TET3: variants seen among roughly 807,000 people sequenced by gnomAD.
TET3 encodes methylcytosine dioxygenase TET3.
A neutral mutation model predicts 141.4 loss-of-function variants in TET3; 19 were observed. The ratio of observed to expected loss-of-function variants is 0.13; its 90% confidence interval spans 0.09 to 0.20. TET3 has a LOEUF of 0.20. Among genes scored for constraint, TET3 ranks in the 10% least tolerant of loss-of-function variants. The probability of loss-of-function intolerance (pLI) is 1.00; values close to 1 mark genes in which losing one functional copy is unlikely to be tolerated. For synonymous variants in TET3, 1,043 were observed against 980.9 expected (o/e 1.06, Z -1.18); for missense variants, 1,874 against 2,356.9 (o/e 0.80, Z 4.24).
chr2:73,988,545 C>T (rs988451090), intron 2 of TET3, among the ~76,000 whole-genome samples: 7 of 152,078 alleles, frequency 4.6e-5, no homozygotes, highest in East Asian at 3.8e-4. Flanking sequence ...CCCAGGCTGC[C>T]GGGTGGTCTT....
At chr2:74,011,708 A>G (rs369453940) in intron 3 of TET3, among the ~76,000 whole-genome samples, 16 of 151,514 alleles carry the variant, frequency 1.1e-4, no homozygotes, top group African/African-American at 3.1e-4. Context: ...CTGTTTTTTG[A>G]TTTTGTAAGT....
chr2:74,031,520 A>G (rs1686688118), intron 3 of TET3, among the ~76,000 whole-genome samples: 1 of 152,182 alleles, frequency 6.6e-6, no homozygotes, highest in African/African-American at 2.4e-5. Flanking sequence ...GACTGTGGAT[A>G]ATGAAGCTTT....
chr2:74,113,006 CAAAAAAAAAAA>C (rs60299737), downstream of TET3, among the ~76,000 whole-genome samples: 11 of 34,398 alleles, frequency 3.2e-4, no homozygotes, highest in East Asian at 3.3e-3. Flanking sequence ...GACTCCGTCT[CAAAAAAAAAAA>C]AAAAAAAAAA....
rs1256577765 is a variant in TET3, at chr2:74,100,211, G to A, written c.3605-182G>A. 1.2e-4 allele frequency among the ~76,000 whole-genome samples: 18 copies of A among 152,264 alleles called. 1 individual carries two copies. The highest frequency in any genetic ancestry group is 6.8e-3 in the Middle Eastern group (2 of 294). On this transcript the variant is annotated intron_variant, in intron 11 of 11. Transcript: ENST00000409262. ...TGGGGCTGGGGCTGGGGCCTGTGCT[G>A]AGCAGGGCCCAGGGAGTACGACCCG... is the stretch of plus-strand genomic sequence containing the variant.
At chr2:74,129,543 G>C in the TET3 span, among the ~76,000 whole-genome samples, 2 of 151,676 alleles carry the variant, frequency 1.3e-5, no homozygotes, top group African/African-American at 4.8e-5. Flanking sequence ...TGAGGTGGGA[G>C]AATTGCTTGA....
In TET3 at chr2:74,102,228, G is replaced by A; in HGVS notation, c.*52G>A. 2 of 1,395,552 alleles carry A rather than the reference G, an allele frequency of 1.4e-6. No individual in the cohort carries two copies. The highest frequency in any genetic ancestry group is 3.8e-5 in the South Asian group (2 of 52,006). The allele number at this position is 1,395,552 out of a possible 1,614,324, so 86.4% of individuals were successfully genotyped here. A position where few individuals can be genotyped will look rare whatever the true frequency, so the allele number is the denominator to read the frequency against. Reference sequence around the variant, plus strand: ...GTCGGGCCTGGCCCGAGCTGTCTCTGTGGTGCTTTTGCCCTCATACCTGGG... The same window carrying A: ...GTCGGGCCTGGCCCGAGCTGTCTCTATGGTGCTTTTGCCCTCATACCTGGG... On this transcript the variant is annotated 3_prime_UTR_variant, in exon 12 of 12. Transcript: ENST00000409262.
intron 3 of TET3, among the ~76,000 whole-genome samples, chr2:74,028,298 C>A (rs929726907): frequency 1.3e-5 from 2 of 150,584 alleles, no homozygotes; most frequent in Admixed American, 1.3e-4. Context: ...TTTTTTTTCA[C>A]TTTCTTGATG....
Position 74,093,432 on chromosome 2 carries a change from T to C in TET3, c.3130-97T>C. 1.4e-6 allele frequency: 2 copies of C among 1,447,936 alleles called. No individual in the cohort carries two copies. Among genetic ancestry groups the C allele is most frequent in the Admixed American group, 2.4e-5 (1 of 42,232 alleles). 89.7% of individuals were successfully genotyped at this position (1,447,936 alleles called of 1,614,324 possible). On this transcript the variant is annotated intron_variant, in intron 9 of 11. Transcript: ENST00000409262. This position sits in a 1 kb window ranked among gnomAD's most constrained non-coding sequence, Gnocchi z 4.2. ...TCGAAGGGCAAGGTGACTATCATCCTTAACATCCCTCCTTCCAAGACCTGG... is the reference window on the plus strand; with the variant it reads ...TCGAAGGGCAAGGTGACTATCATCCCTAACATCCCTCCTTCCAAGACCTGG...
At chr2:74,054,150 A>G (rs1688095106) in intron 4 of TET3, among the ~76,000 whole-genome samples, 1 of 152,090 alleles carries the variant, frequency 6.6e-6, no homozygotes, top group East Asian at 1.9e-4. Flanking sequence ...GTGGAGGATG[A>G]AAGATTGGGA....
rs1558687969 is a variant in TET3 at position 73,987,831 on chromosome 2, CT to C, written c.303+1126del. Among the ~76,000 whole-genome samples, 4 of 152,212 alleles carry C rather than the reference CT, an allele frequency of 2.6e-5. No homozygotes were observed. The South Asian group carries it at 8.3e-4, about 31-fold the overall frequency. ...TGCTTGCTTCTGAGGACTCGGGTCCCTGTGGCTGGCGTTGGGCTGGCAGCCC... is the reference window on the plus strand; with the variant it reads ...TGCTTGCTTCTGAGGACTCGGGTCCCGTGGCTGGCGTTGGGCTGGCAGCCC... On this transcript the variant is annotated intron_variant, in intron 2 of 11. Transcript: ENST00000409262.
At chr2:74,095,943 C>A (rs1451635647) in intron 10 of TET3, among the ~76,000 whole-genome samples, 2 of 152,240 alleles carry the variant, frequency 1.3e-5, no homozygotes, top group Non-Finnish European at 2.9e-5. Flanking sequence ...TCTTTGCCTG[C>A]TGCCTGAGTG....
chr2:74,031,906 C>G (rs1686715325), intron 3 of TET3, among the ~76,000 whole-genome samples: 1 of 152,122 alleles, frequency 6.6e-6, no homozygotes, highest in Non-Finnish European at 1.5e-5. Flanking sequence ...ACCTTGGTAC[C>G]TGGGAGGCCA....
intron 4 of TET3, among the ~76,000 whole-genome samples, chr2:74,050,459 C>G (rs1325108099): frequency 2.0e-5 from 3 of 152,146 alleles, no homozygotes; most frequent in Non-Finnish European, 2.9e-5. Flanking sequence ...TTGGCTGTTC[C>G]TTTAGTTACC....
chr2:74,027,766 T>G (rs1686454651), intron 3 of TET3, among the ~76,000 whole-genome samples: 1 of 152,248 alleles, frequency 6.6e-6, no homozygotes, highest in South Asian at 2.1e-4. Context: ...CATTCTTTAG[T>G]CACTGGACAT....
intron 4 of TET3, among the ~76,000 whole-genome samples, chr2:74,073,001 A>G (rs770674620): frequency 6.6e-6 from 1 of 152,156 alleles, no homozygotes; most frequent in African/African-American, 2.4e-5. Flanking sequence ...CTGCTGATGG[A>G]TGATTATGTT....
chr2:74,129,330 A>C, the TET3 span, among the ~76,000 whole-genome samples: 2 of 148,534 alleles, frequency 1.3e-5, no homozygotes, highest in Admixed American at 1.3e-4. Flanking sequence ...AAAAAAAAAA[A>C]AAAAAAAAAA....
chr2:74,049,132 G>A (rs1164219356), intron 4 of TET3, among the ~76,000 whole-genome samples: 1 of 152,150 alleles, frequency 6.6e-6, no homozygotes, highest in Non-Finnish European at 1.5e-5. Context: ...GTGGCAGAGG[G>A]AGGGGTTGGA....
chr2:74,035,225 A>G (rs1249211434), intron 3 of TET3, among the ~76,000 whole-genome samples: 2 of 117,032 alleles, frequency 1.7e-5, no homozygotes, highest in East Asian at 2.9e-4. Context: ...AAAAAAAGTT[A>G]TTGGGGCCGG....
chr2:74,097,973 C>T (rs188468704), intron 10 of TET3, among the ~76,000 whole-genome samples: 1 of 152,192 alleles, frequency 6.6e-6, no homozygotes, highest in African/African-American at 2.4e-5. Flanking sequence ...AAAATATAGT[C>T]AACACAAGAG....
Sources: gnomAD v4.1 joint callset for allele counts (sites outside exome capture counted in the v4.1 genomes callset) on GRCh38, gnomAD v4.1.1 for gene constraint, Gnocchi (gnomAD v3.1) non-coding constraint, MANE v1.5 for transcripts, NCBI Gene and HGNC (gene_info 2026-07-23, HGNC 2026-07-21) for gene names.